The following STXBP4 variants were observed in gnomAD, a reference collection of about 807,000 sequenced individuals.
STXBP4 encodes syntaxin binding protein 4.
STXBP4 carries 55 observed loss-of-function variants against 76.1 expected under a neutral mutation model. That is an observed-to-expected ratio of 0.72 (90% CI 0.58 to 0.91). The LOEUF (loss-of-function observed/expected upper bound fraction) is 0.91. Among genes scored for constraint, STXBP4 ranks in the 40% least tolerant of loss-of-function variants. STXBP4 has a pLI of 0.00. For missense variants in STXBP4, 618 were observed against 636.9 expected (o/e 0.97, Z 0.32); for synonymous variants, 201 against 220.2 (o/e 0.91, Z 0.77).
intron 13 of STXBP4, among the ~76,000 whole-genome samples, chr17:55,073,767 T>TA (rs1385035413): frequency 1.3e-5 from 2 of 152,114 alleles, no homozygotes; most frequent in Non-Finnish European, 2.9e-5. Context: ...TAGCTGCGGT[T>TA]ACAGACACCT....
At chr17:55,213,018 T>TTG in the STXBP4 span, among the ~76,000 whole-genome samples, 2 of 152,068 alleles carry the variant, frequency 1.3e-5, no homozygotes, top group Non-Finnish European at 1.5e-5. Flanking sequence ...AGAAAACTGG[T>TTG]TGTGTGTGTC....
intron 11 of STXBP4, chr17:55,044,863 C>G (rs552156815): frequency 6.6e-6 from 1 of 150,430 alleles, no homozygotes; most frequent in South Asian, 2.1e-4. Flanking sequence ...TTTTTTCTCT[C>G]TCTCTCTCTT....
chr17:54,978,692 T>G (rs2077505657), intron 1 of STXBP4, among the ~76,000 whole-genome samples: 1 of 152,184 alleles, frequency 6.6e-6, no homozygotes, highest in South Asian at 2.1e-4. Context: ...ATATTTTTCC[T>G]TCTTTATCCA....
intron 17 of STXBP4, among the ~76,000 whole-genome samples, chr17:55,149,352 T>TTA (rs2080190340): frequency 1.4e-5 from 2 of 141,216 alleles, no homozygotes; most frequent in South Asian, 4.7e-4. Context: ...AGGGCTTTAG[T>TTA]ATCAGACAGA....
At chr17:55,049,232 T>C (rs1033309352) in intron 12 of STXBP4, among the ~76,000 whole-genome samples, 4 of 151,918 alleles carry the variant, frequency 2.6e-5, no homozygotes, top group Non-Finnish European at 1.5e-5. Context: ...ACACATGATA[T>C]TCCTGAAGAC....
chr17:55,107,612 C>T (rs527751129), intron 16 of STXBP4, among the ~76,000 whole-genome samples: 6 of 152,284 alleles, frequency 3.9e-5, no homozygotes, highest in African/African-American at 1.4e-4. Context: ...GTATGGATAT[C>T]CTTTTTGTTG....
intron 8 of STXBP4, among the ~76,000 whole-genome samples, chr17:55,020,090 T>G (rs915072512): frequency 2.6e-5 from 4 of 152,228 alleles, no homozygotes; most frequent in African/African-American, 9.6e-5. Context: ...CTAGCATCAC[T>G]TTGAATATTG....
chr17:55,132,077 G>C (rs1416489960), intron 16 of STXBP4, among the ~76,000 whole-genome samples: 2 of 152,150 alleles, frequency 1.3e-5, no homozygotes, highest in African/African-American at 4.8e-5. Flanking sequence ...ATAAATTAGA[G>C]CTCCTCCCCT....
chr17:55,047,185 CGTGTGTGTGTGTGTGTGTGTGT>C (rs34336794), intron 12 of STXBP4, 31 bp downstream of exon 12: 201 of 807,972 alleles, frequency 2.5e-4, no homozygotes, highest in Non-Finnish European at 3.6e-4. Flanking sequence ...TATATGTGCT[CGTGTGTGTGTGTGTGTGTGTGT>C]GTGTGTGTGT....
rs1276595021 is a variant in STXBP4, at chr17:55,165,787, G to A, written c.*5876G>A. On this transcript the variant is annotated 3_prime_UTR_variant, in exon 18 of 18. Coordinates refer to ENST00000376352, the MANE Select transcript of STXBP4 (RefSeq NM_178509.6). Reference sequence around the variant, plus strand: ...TGGTGAATGGGATTAGGACCCTTATGAAAGAGGCTTCAGGGAACCTGTTTG... The same window carrying A: ...TGGTGAATGGGATTAGGACCCTTATAAAAGAGGCTTCAGGGAACCTGTTTG... 6.6e-6 allele frequency: 1 copy of A among 152,222 alleles called. No individual in the cohort carries two copies. Among genetic ancestry groups the A allele is most frequent in the Non-Finnish European group, 1.5e-5 (1 of 68,090 alleles). The allele number at this position is 152,222 out of a possible 1,614,324, so 9.4% of individuals were successfully genotyped here.
At chr17:55,088,438 C>G (rs114380381) in intron 16 of STXBP4, among the ~76,000 whole-genome samples, 3 of 152,206 alleles carry the variant, frequency 2.0e-5, no homozygotes, top group Non-Finnish European at 2.9e-5. Flanking sequence ...TTCTGTTGCC[C>G]GGGCTGGAGT....
chr17:55,201,885 T>A, the STXBP4 span, among the ~76,000 whole-genome samples: 1 of 152,368 alleles, frequency 6.6e-6, no homozygotes, highest in Non-Finnish European at 1.5e-5. Context: ...GCAAATTTAA[T>A]CTGAAACATA....
At chr17:55,043,700 C>T in intron 11 of STXBP4, 1 of 1,506,848 alleles carries the variant, frequency 6.6e-7, no homozygotes, top group Non-Finnish European at 9.0e-7. Context: ...CATTTTTTTT[C>T]ATGTGCAGGG....
At chr17:54,990,637 C>G (rs956987205) in intron 3 of STXBP4, among the ~76,000 whole-genome samples, 188 bp from the exon 4 acceptor site, 1 of 152,136 alleles carries the variant, frequency 6.6e-6, no homozygotes, top group African/African-American at 2.4e-5. Context: ...AACCATCACC[C>G]CTCTGCAACC....
downstream of STXBP4, among the ~76,000 whole-genome samples, chr17:55,176,654 C>T (rs1269616943): frequency 6.6e-6 from 1 of 152,094 alleles, no homozygotes; most frequent in East Asian, 1.9e-4. Flanking sequence ...TTGAGGGATA[C>T]CCAGATAGCT....
chr17:55,086,597 T>C (rs1340883631), intron 16 of STXBP4, among the ~76,000 whole-genome samples: 7 of 152,106 alleles, frequency 4.6e-5, no homozygotes, highest in Non-Finnish European at 8.8e-5. Context: ...ACTTTTTACT[T>C]CCGTGAGATC....
chr17:55,206,936 C>A, the STXBP4 span, among the ~76,000 whole-genome samples: 1 of 151,654 alleles, frequency 6.6e-6, no homozygotes, highest in Non-Finnish European at 1.5e-5. Flanking sequence ...CTGTGATAAT[C>A]CCATCTGTCA....
intron 1 of STXBP4, among the ~76,000 whole-genome samples, chr17:54,982,217 A>T (rs1164664451): frequency 6.6e-6 from 1 of 152,190 alleles, no homozygotes; most frequent in African/African-American, 2.4e-5. Context: ...AGTGAAAAGA[A>T]CTGGTTTTAT....
chr17:55,183,579 G>C, the STXBP4 span, among the ~76,000 whole-genome samples: 1 of 152,184 alleles, frequency 6.6e-6, no homozygotes. Context: ...TGTAGGCAAA[G>C]ATTGTCAGAC....
Sources: gnomAD v4.1 joint callset for allele counts (sites outside exome capture counted in the v4.1 genomes callset) on GRCh38, gnomAD v4.1.1 for gene constraint, MANE v1.5 for transcripts, NCBI Gene and HGNC (gene_info 2026-07-23, HGNC 2026-07-21) for gene names.